CADM1: variants seen among roughly 807,000 people sequenced by gnomAD.
CADM1 encodes the protein cell adhesion molecule 1.
A neutral mutation model predicts 53.1 loss-of-function variants in CADM1; 15 were observed. The observed-to-expected ratio is 0.28, with a 90% CI of 0.19 to 0.44. CADM1 has a LOEUF of 0.44. Ranked by LOEUF, CADM1 falls within the 20% of genes least tolerant of loss-of-function variation. CADM1 has a pLI of 1.00. For synonymous variants in CADM1, 281 were observed against 243.0 expected, an observed-to-expected ratio of 1.16 and a Z score of -1.45; for missense variants, 434 against 611.3, an observed-to-expected ratio of 0.71 and a Z score of 3.06.
intron 1 of CADM1, among the ~76,000 whole-genome samples, chr11:115,289,865 G>A (rs1360033494): frequency 6.6e-6 from 1 of 152,036 alleles, no homozygotes; most frequent in African/African-American, 2.4e-5. Flanking sequence ...AAAGTGCTGG[G>A]ATTACAGGCG....
chr11:115,380,239 T>C (rs1946541890), intron 1 of CADM1, among the ~76,000 whole-genome samples: 2 of 152,144 alleles, frequency 1.3e-5, no homozygotes, highest in African/African-American at 2.4e-5. Flanking sequence ...GAAAGAATTA[T>C]AAAATGGTCA....
chr11:115,211,811 T>G (rs966742603), intron 7 of CADM1, among the ~76,000 whole-genome samples: 11 of 152,118 alleles, frequency 7.2e-5, no homozygotes, highest in African/African-American at 2.7e-4. Flanking sequence ...TCTGCACCTA[T>G]TCTAAAAGTG....
intron 8 of CADM1, among the ~76,000 whole-genome samples, chr11:115,199,391 G>T (rs937370483): frequency 2.6e-5 from 4 of 152,092 alleles, no homozygotes; most frequent in African/African-American, 7.2e-5. Context: ...AGATGAACTT[G>T]CTGTGGAAGG....
intron 8 of CADM1, among the ~76,000 whole-genome samples, chr11:115,209,099 G>A (rs1591605847): frequency 1.3e-5 from 2 of 152,300 alleles, no homozygotes; most frequent in Non-Finnish European, 2.9e-5. Flanking sequence ...TTGTCAGCGG[G>A]TACTCTCTGG....
At chr11:115,353,482 G>T (rs962171392) in intron 1 of CADM1, among the ~76,000 whole-genome samples, 3 of 152,112 alleles carry the variant, frequency 2.0e-5, no homozygotes, top group African/African-American at 7.2e-5. Context: ...ATAACATTTT[G>T]TTAAAGCTTT....
At chr11:115,403,708 T>C (rs1460259007) in intron 1 of CADM1, among the ~76,000 whole-genome samples, 1 of 152,110 alleles carries the variant, frequency 6.6e-6, no homozygotes, top group Non-Finnish European at 1.5e-5. Context: ...GCAGTTCTCC[T>C]GCCTCAGCCT....
intron 1 of CADM1, among the ~76,000 whole-genome samples, chr11:115,497,740 C>T (rs567610852): frequency 9.9e-5 from 15 of 152,206 alleles, no homozygotes; most frequent in African/African-American, 1.7e-4. Context: ...GCTTTTTATT[C>T]GATTTTGCTG....
chr11:115,425,707 T>C (rs1266549254), intron 1 of CADM1, among the ~76,000 whole-genome samples: 1 of 152,246 alleles, frequency 6.6e-6, no homozygotes, highest in Non-Finnish European at 1.5e-5. Flanking sequence ...CACAATAATA[T>C]GTACCTCTCT....
intron 1 of CADM1, among the ~76,000 whole-genome samples, chr11:115,305,443 C>T (rs555811396): frequency 5.2e-4 from 79 of 152,110 alleles, no homozygotes; most frequent in Admixed American, 1.0e-3. Flanking sequence ...TCCTCTGCTT[C>T]CTCTAGTCAG....
chr11:115,174,377 T>C lies in CADM1; in HGVS notation c.*2097A>G. ...TTCTCACCCTTTGATATGATTATAC[T>C]ATGGTCGGAATGGGTGCTAAGGGCT... On this transcript the variant is annotated 3_prime_UTR_variant, in exon 12 of 12. Coordinates refer to ENST00000331581, the MANE Select transcript of CADM1 (RefSeq NM_001301043.2). 1.0e-6 allele frequency: 1 copy of C among 985,604 alleles called. No homozygotes were observed. Among genetic ancestry groups the C allele is most frequent in the Non-Finnish European group, 1.2e-6 (1 of 829,772 alleles). 61.1% of individuals were successfully genotyped at this position (985,604 alleles called of 1,614,324 possible).
chr11:115,278,821 C>A (rs1441062446), intron 1 of CADM1, among the ~76,000 whole-genome samples: 2 of 152,168 alleles, frequency 1.3e-5, no homozygotes, highest in East Asian at 3.9e-4. Flanking sequence ...AGATCAGATC[C>A]TAGAATTACA....
intron 1 of CADM1, among the ~76,000 whole-genome samples, chr11:115,416,454 C>T (rs1482241000): frequency 6.6e-6 from 1 of 152,112 alleles, no homozygotes; most frequent in Non-Finnish European, 1.5e-5. Context: ...GCACAAATCA[C>T]ATCTAGTATT....
intron 1 of CADM1, among the ~76,000 whole-genome samples, chr11:115,350,658 T>C (rs1945709486): frequency 6.6e-6 from 1 of 151,616 alleles, no homozygotes; most frequent in Non-Finnish European, 1.5e-5. Context: ...ATTAAATCTA[T>C]ATAAAACGAA....
intron 1 of CADM1, among the ~76,000 whole-genome samples, chr11:115,253,117 T>TCA (rs1335855942): frequency 1.3e-5 from 2 of 152,130 alleles, no homozygotes; most frequent in Non-Finnish European, 2.9e-5. Flanking sequence ...CACACACATC[T>TCA]CATAACGTTT....
intron 1 of CADM1, among the ~76,000 whole-genome samples, chr11:115,305,045 T>C (rs769499326): frequency 2.0e-4 from 30 of 152,020 alleles, no homozygotes; most frequent in African/African-American, 6.5e-4. Flanking sequence ...ATGCACGAAA[T>C]AGACACCTAG....
chr11:115,403,989 T>G (rs1024543635), intron 1 of CADM1, among the ~76,000 whole-genome samples: 7 of 151,766 alleles, frequency 4.6e-5, no homozygotes, highest in African/African-American at 9.7e-5. Context: ...TTATGTGTGT[T>G]TTTCAAAGCA....
intron 10 of CADM1, among the ~76,000 whole-genome samples, chr11:115,184,808 A>C (rs930261256): frequency 6.6e-6 from 1 of 152,196 alleles, no homozygotes; most frequent in Non-Finnish European, 1.5e-5. Flanking sequence ...TGTTCATTTA[A>C]ATTAGAAGTA....
At chr11:115,231,284 A>G (rs1034830591) in intron 4 of CADM1, 69 bp downstream of exon 4, 1 of 1,545,342 alleles carries the variant, frequency 6.5e-7, no homozygotes, top group East Asian at 2.2e-5. Flanking sequence ...GTATTTCTCC[A>G]TGATTTTCAC....
chr11:115,492,793 G>C (rs1949526804), intron 1 of CADM1, among the ~76,000 whole-genome samples: 2 of 152,138 alleles, frequency 1.3e-5, no homozygotes, highest in African/African-American at 4.8e-5. Flanking sequence ...GGAATTGAAT[G>C]TATTAGCATG....
Sources: gnomAD v4.1 joint callset for allele counts (sites outside exome capture counted in the v4.1 genomes callset) on GRCh38, gnomAD v4.1.1 for gene constraint, MANE v1.5 for transcripts, NCBI Gene and HGNC (gene_info 2026-07-23, HGNC 2026-07-21) for gene names.